The following GSE1 variants were observed in gnomAD, a reference collection of about 807,000 sequenced individuals.
The protein encoded by GSE1 is genetic suppressor element 1.
Under a neutral mutation model 112.6 loss-of-function variants are expected in GSE1, and 32 were observed. The ratio of observed to expected loss-of-function variants is 0.28; its 90% confidence interval spans 0.21 to 0.38. GSE1 has a LOEUF of 0.38. Ranked by LOEUF, GSE1 falls within the 10% of genes least tolerant of loss-of-function variation. The pLI, the probability that GSE1 is intolerant of heterozygous loss-of-function variation, is 1.00. For synonymous variants in GSE1, 1,115 were observed against 735.6 expected (o/e 1.52, Z -8.35); for missense variants, 2,348 against 1,699.2 (o/e 1.38, Z -6.71).
chr16:85,452,235 C>G (rs965873579), intron 2 of GSE1, among the ~76,000 whole-genome samples: 2 of 152,210 alleles, frequency 1.3e-5, no homozygotes, highest in Admixed American at 1.3e-4. Context: ...TGACTCCTCG[C>G]GTCCCTAATG....
intron 2 of GSE1, among the ~76,000 whole-genome samples, chr16:85,365,482 C>A (rs544128216): frequency 1.3e-5 from 2 of 152,320 alleles, no homozygotes; most frequent in Non-Finnish European, 2.9e-5. Flanking sequence ...CAGCAGAGGG[C>A]AAGTACAGAC....
chr16:85,577,260 T>C (rs1292792123), intron 1 of GSE1, among the ~76,000 whole-genome samples: 1 of 152,050 alleles, frequency 6.6e-6, no homozygotes, highest in Non-Finnish European at 1.5e-5. Flanking sequence ...TCCCAGAAAG[T>C]GGAGGTGCCC....
chr16:85,345,801 G>A (rs973793612), intron 1 of GSE1, among the ~76,000 whole-genome samples: 7 of 152,228 alleles, frequency 4.6e-5, no homozygotes, highest in African/African-American at 1.4e-4. Flanking sequence ...CCCAGGCACA[G>A]AGCCTAGCAC....
intron 11 of GSE1, 127 bp from the exon 12 acceptor site, chr16:85,664,888 C>T: frequency 3.1e-6 from 2 of 655,144 alleles, no homozygotes; most frequent in South Asian, 1.8e-5. Context: ...TGCCCCATCA[C>T]ACCTGCTTTT....
chr16:85,598,565 A>C lies in GSE1; in HGVS notation c.37+42202A>C, dbSNP rs552808154. Among the ~76,000 whole-genome samples the C allele has an allele frequency of 5.4e-4, 82 of 152,386 alleles. 1 individual carries two copies. Among genetic ancestry groups the C allele is most frequent in the African/African-American group, 1.9e-3 (78 of 41,590 alleles). On this transcript the variant is annotated intron_variant, in intron 1 of 2. Transcript: ENST00000635906. ...TCCAAATAGCTGAGCAGGAACTTCT[A>C]ATCCGTAGTGCCCGGACCCCGGGCT... is the stretch of plus-strand genomic sequence containing the variant.
rs981614224 is a variant in GSE1, at chr16:85,534,504, T to C, written c.2465-99410T>C. On this transcript the variant is annotated intron_variant, in intron 2 of 2. Coordinates refer to the GSE1 transcript ENST00000637419. The stretch of plus-strand genomic sequence containing the variant: ...AGTACCTTTTTGTGACTGGCTCGTT[T>C]TACCCAGTGCAGCATCCTCAGAGTC... Among the ~76,000 whole-genome samples, 9 of 152,356 alleles carry C rather than the reference T, an allele frequency of 5.9e-5. 1 individual carries two copies. Among genetic ancestry groups the C allele is most frequent in the Admixed American group, 1.3e-4 (2 of 15,306 alleles).
intron 1 of GSE1, among the ~76,000 whole-genome samples, chr16:85,174,927 G>C (rs3935263): frequency 0.23 from 34,752 of 152,046 alleles, 4,111 homozygotes; most frequent in East Asian, 0.47. Flanking sequence ...CTGTCTTTTG[G>C]GGGGTGGTTT....
At chr16:85,359,435 G>T (rs191815136) in intron 2 of GSE1, 11 of 455,998 alleles carry the variant, frequency 2.4e-5, no homozygotes, top group African/African-American at 2.0e-4. Flanking sequence ...GTGGTTTGGG[G>T]AGCAGGCCCA....
At chr16:85,186,672 T>C (rs2074709443) in intron 1 of GSE1, among the ~76,000 whole-genome samples, 2 of 149,934 alleles carry the variant, frequency 1.3e-5, no homozygotes, top group African/African-American at 2.5e-5. Context: ...GTCAGGAGGC[T>C]GAGAATGGCC....
intron 2 of GSE1, among the ~76,000 whole-genome samples, chr16:85,647,240 C>T (rs929829971): frequency 5.9e-5 from 9 of 152,192 alleles, no homozygotes; most frequent in African/African-American, 1.9e-4. Context: ...GGCCCAAAGC[C>T]CTCCTGCCTG....
chr16:85,605,703 C>A (rs998265876), intron 1 of GSE1, among the ~76,000 whole-genome samples: 6 of 152,050 alleles, frequency 3.9e-5, no homozygotes, highest in Admixed American at 3.9e-4. Context: ...CACATTTTAA[C>A]GTTTGCTGTC....
intron 2 of GSE1, among the ~76,000 whole-genome samples, chr16:85,469,228 C>A (rs2050212560): frequency 6.6e-6 from 1 of 151,814 alleles, no homozygotes; most frequent in African/African-American, 2.4e-5. Flanking sequence ...TGCACTGCAG[C>A]CTGCACAAGA....
At chr16:85,565,878 TTGCCAGTCTTCTGG>T (rs1016917459) in intron 1 of GSE1, among the ~76,000 whole-genome samples, 1 of 152,156 alleles carries the variant, frequency 6.6e-6, no homozygotes, top group Non-Finnish European at 1.5e-5. Flanking sequence ...CCGGGTGTCC[TTGCCAGTCTTCTGG>T]TGGGCCCTGT....
At chr16:85,310,781 CCCCCCCCCA>C (rs1366880221) in intron 1 of GSE1, among the ~76,000 whole-genome samples, 1 of 147,052 alleles carries the variant, frequency 6.8e-6, no homozygotes, top group Non-Finnish European at 1.5e-5. Context: ...TGGCCTGCGT[CCCCCCCCCA>C]CCCACCTCCC....
At chr16:85,671,827 G>C (rs1317160388) in intron 15 of GSE1, 1 of 155,834 alleles carries the variant, frequency 6.4e-6, no homozygotes, top group African/African-American at 2.4e-5. Context: ...ACACTAGCAG[G>C]ATTGGTTCAG....
At position 85,653,391 on chromosome 16, in the gene GSE1, C is replaced by T. The variant is rs150171374; in HGVS notation, c.427-887C>T. Among the ~76,000 whole-genome samples, 9 of 144,390 alleles carry T rather than the reference C, an allele frequency of 6.2e-5. No individual in the cohort carries two copies. In the East Asian group the frequency reaches 1.1e-3, roughly 17 times the overall value. The allele number at this position is 144,390 out of a possible 152,430, so 94.7% of individuals were successfully genotyped here. ...CATGCTCTGGTTTCTCCGGGCTGGA[C>T]CCTGCGTGTGTGCGGGGCAGCCTCT... On this transcript the variant is annotated intron_variant, in intron 3 of 15. Coordinates refer to ENST00000253458, the MANE Select transcript of GSE1 (RefSeq NM_014615.5).
At chr16:85,349,248 T>C (rs765554976) in intron 1 of GSE1, among the ~76,000 whole-genome samples, 8 of 152,174 alleles carry the variant, frequency 5.3e-5, no homozygotes, top group Non-Finnish European at 1.2e-4. Context: ...ATTCCCTTTA[T>C]TGCAGTATTT....
chr16:85,174,307 C>T (rs961459618), intron 1 of GSE1, among the ~76,000 whole-genome samples: 1 of 152,172 alleles, frequency 6.6e-6, no homozygotes, highest in Non-Finnish European at 1.5e-5. Flanking sequence ...GAAAGTGGAA[C>T]GGACTGAGAA....
At chr16:85,619,709 C>T (rs765828450) in intron 1 of GSE1, among the ~76,000 whole-genome samples, 5 of 152,134 alleles carry the variant, frequency 3.3e-5, no homozygotes, top group Admixed American at 2.0e-4. Context: ...AGGGTCACGC[C>T]GTGGGCTGTG....
Sources: gnomAD v4.1 joint callset for allele counts (sites outside exome capture counted in the v4.1 genomes callset) on GRCh38, gnomAD v4.1.1 for gene constraint, MANE v1.5 for transcripts, NCBI Gene and HGNC (gene_info 2026-07-23, HGNC 2026-07-21) for gene names.